The following ARHGAP10 variants were observed in gnomAD, a reference collection of about 807,000 sequenced individuals.
The protein encoded by ARHGAP10 is rho GTPase-activating protein 10.
In ARHGAP10, 87 loss-of-function variants were observed where a neutral mutation model predicts 108.6. The observed-to-expected ratio is 0.80, with a 90% confidence interval of 0.67 to 0.96. The LOEUF is 0.96. Ranked by LOEUF, ARHGAP10 falls within the 40% of genes least tolerant of loss-of-function variation. ARHGAP10 has a pLI of 0.00. For missense variants in ARHGAP10, 939 were observed against 954.5 expected, an observed-to-expected ratio of 0.98 and a Z score of 0.21; for synonymous variants, 347 against 341.1, an observed-to-expected ratio of 1.02 and a Z score of -0.19.
At chr4:147,810,294 A>G (rs912565114) in intron 1 of ARHGAP10, among the ~76,000 whole-genome samples, 16 of 152,208 alleles carry the variant, frequency 1.1e-4, no homozygotes, top group African/African-American at 3.9e-4. Flanking sequence ...GAAGTTGGAA[A>G]CATTTTTTGG....
At chr4:147,982,405 T>A (rs1245823896) in intron 18 of ARHGAP10, among the ~76,000 whole-genome samples, 1 of 150,170 alleles carries the variant, frequency 6.7e-6, no homozygotes, top group African/African-American at 2.5e-5. Context: ...GGTCTCACTC[T>A]GTTGCCCAGG....
chr4:147,877,017 G>A (rs1735097233), intron 8 of ARHGAP10, among the ~76,000 whole-genome samples: 1 of 152,202 alleles, frequency 6.6e-6, no homozygotes, highest in South Asian at 2.1e-4. Flanking sequence ...GAACAGGCGT[G>A]AAAGAGCATC....
chr4:147,920,780 T>A (rs529736404), intron 13 of ARHGAP10, among the ~76,000 whole-genome samples: 3 of 152,262 alleles, frequency 2.0e-5, no homozygotes, highest in Non-Finnish European at 4.4e-5. Flanking sequence ...GCATGTGATG[T>A]TAATTGAGGA....
intron 1 of ARHGAP10, among the ~76,000 whole-genome samples, chr4:147,754,525 T>C (rs1169025479): frequency 6.6e-6 from 1 of 152,148 alleles, no homozygotes; most frequent in African/African-American, 2.4e-5. Context: ...AAAAGCTCAG[T>C]GGGGGTTGTT....
chr4:148,000,796 T>A (rs2149644756), intron 18 of ARHGAP10, among the ~76,000 whole-genome samples: 1 of 152,336 alleles, frequency 6.6e-6, no homozygotes, highest in East Asian at 1.9e-4. Flanking sequence ...CTTGTAAATT[T>A]GTTTGAGTTC....
rs1729767416 is a variant in ARHGAP10 at position 148,064,404 on chromosome 4, C to G, written c.2181-12C>G. On this transcript the variant is annotated splice_polypyrimidine_tract_variant and intron_variant, in intron 21 of 22. Transcript: ENST00000336498. ...TTTTCATTGGTGTCTTTTGTATTCTCTTTCTTTTCAGCATCCGCAGTCGGA... is the reference window on the plus strand; with the variant it reads ...TTTTCATTGGTGTCTTTTGTATTCTGTTTCTTTTCAGCATCCGCAGTCGGA... 2.5e-6 allele frequency: 4 copies of G among 1,612,602 alleles called. No homozygotes were observed. Among genetic ancestry groups the G allele is most frequent in the Non-Finnish European group, 3.4e-6 (4 of 1,179,290 alleles).
At chr4:147,999,467 C>A (rs1740608065) in intron 18 of ARHGAP10, among the ~76,000 whole-genome samples, 1 of 152,206 alleles carries the variant, frequency 6.6e-6, no homozygotes, top group Non-Finnish European at 1.5e-5. Context: ...CATTGCAGCC[C>A]CACCACTGAC....
intron 14 of ARHGAP10, among the ~76,000 whole-genome samples, chr4:147,941,448 C>A (rs1239856673): frequency 6.6e-6 from 1 of 152,174 alleles, no homozygotes; most frequent in Non-Finnish European, 1.5e-5. Flanking sequence ...TTTTAAATAT[C>A]TAAACCCTCA....
chr4:147,941,408 T>C (rs1738160116), intron 14 of ARHGAP10, among the ~76,000 whole-genome samples: 1 of 152,178 alleles, frequency 6.6e-6, no homozygotes, highest in Non-Finnish European at 1.5e-5. Flanking sequence ...ATGGGAAATG[T>C]CCCAAGCCAG....
chr4:147,859,205 TAA>T (rs1560794714), intron 5 of ARHGAP10, among the ~76,000 whole-genome samples: 1 of 152,204 alleles, frequency 6.6e-6, no homozygotes, highest in Non-Finnish European at 1.5e-5. Context: ...GTCAGTTTAT[TAA>T]AAGTTTTTCC....
intron 3 of ARHGAP10, among the ~76,000 whole-genome samples, chr4:147,829,494 A>T (rs1456478147): frequency 2.6e-5 from 4 of 152,072 alleles, no homozygotes; most frequent in Non-Finnish European, 5.9e-5. Flanking sequence ...CGGCCAGGAC[A>T]GTGTTTTTGA....
chr4:147,980,769 G>C (rs1034544102), intron 18 of ARHGAP10, among the ~76,000 whole-genome samples: 12 of 152,114 alleles, frequency 7.9e-5, no homozygotes, highest in African/African-American at 2.9e-4. Flanking sequence ...ATTTTGGGAA[G>C]TTGTGTGGTT....
At chr4:147,853,835 C>G (rs996084568) in intron 4 of ARHGAP10, among the ~76,000 whole-genome samples, 4 of 151,986 alleles carry the variant, frequency 2.6e-5, no homozygotes, top group East Asian at 1.9e-4. Flanking sequence ...AAAATACTCT[C>G]TATGGCTTCA....
At position 147,847,240 on chromosome 4, in the gene ARHGAP10, A is replaced by G; in HGVS notation, c.384+18A>G. On this transcript the variant is annotated intron_variant, in intron 4 of 22. Transcript: ENST00000336498. ...CTGTAAAGGTTTGTGTCTAATTTGA[A>G]TACACTCAGAAAACATAGATGCCTC... 1 of 1,591,850 alleles carries G rather than the reference A, an allele frequency of 6.3e-7. No individual in the cohort carries two copies. Among genetic ancestry groups the G allele is most frequent in the Non-Finnish European group, 8.6e-7 (1 of 1,160,230 alleles).
intron 10 of ARHGAP10, among the ~76,000 whole-genome samples, chr4:147,891,688 G>T (rs1031069614): frequency 1.3e-5 from 2 of 152,106 alleles, no homozygotes; most frequent in African/African-American, 4.8e-5. Flanking sequence ...TAAAAGAAGG[G>T]TCTTAAATCA....
chr4:147,885,417 G>C (rs1735505439), intron 10 of ARHGAP10, among the ~76,000 whole-genome samples: 1 of 152,094 alleles, frequency 6.6e-6, no homozygotes, highest in Non-Finnish European at 1.5e-5. Context: ...CTTATTCACT[G>C]TCATGAGAAT....
intron 1 of ARHGAP10, among the ~76,000 whole-genome samples, chr4:147,789,392 C>T (rs1037441004): frequency 5.9e-5 from 9 of 152,178 alleles, no homozygotes; most frequent in African/African-American, 9.7e-5. Context: ...CCGGTTCAAG[C>T]GATTCTTGAG....
chr4:147,947,133 C>G (rs534112027), intron 15 of ARHGAP10, among the ~76,000 whole-genome samples: 2 of 151,054 alleles, frequency 1.3e-5, no homozygotes, highest in African/African-American at 4.9e-5. Context: ...AAGAAGTTTA[C>G]TTGGTGAGGT....
At chr4:147,921,208 A>G (rs1737217959) in intron 13 of ARHGAP10, among the ~76,000 whole-genome samples, 1 of 152,230 alleles carries the variant, frequency 6.6e-6, no homozygotes, top group East Asian at 1.9e-4. Flanking sequence ...GGTTGTATAT[A>G]GAGGATAGGA....
Sources: gnomAD v4.1 joint callset for allele counts (sites outside exome capture counted in the v4.1 genomes callset) on GRCh38, gnomAD v4.1.1 for gene constraint, MANE v1.5 for transcripts, NCBI Gene and HGNC (gene_info 2026-07-23, HGNC 2026-07-21) for gene names.